TUSC3: variants seen among roughly 807,000 people sequenced by gnomAD.
The protein encoded by TUSC3 is tumor suppressor candidate 3.
TUSC3 carries 45 observed loss-of-function variants against 44.8 expected under a neutral mutation model. That is an observed-to-expected ratio of 1.00 (90% CI 0.79 to 1.29). The LOEUF is 1.29. Ranked by LOEUF, TUSC3 falls within the 50% of genes most tolerant of loss-of-function variation. The pLI, the probability that TUSC3 is intolerant of heterozygous loss-of-function variation, is 0.00. For synonymous variants in TUSC3, 212 were observed against 152.9 expected (o/e 1.39, Z -2.85); for missense variants, 519 against 437.9 (o/e 1.19, Z -1.65).
chr8:15,738,776 T>C (rs1811044179), intron 7 of TUSC3, among the ~76,000 whole-genome samples: 1 of 151,656 alleles, frequency 6.6e-6, no homozygotes, highest in Non-Finnish European at 1.5e-5. Flanking sequence ...TATACAAACA[T>C]ATACATCTTT....
In TUSC3 at chr8:15,717,289, C is replaced by T. The variant is rs142247525; in HGVS notation, c.799-13377C>T. The stretch of plus-strand genomic sequence containing the variant: ...GGTGAATTTTGGTTTATCAGTAAGA[C>T]GAAACATCATTTTTTGAGATGAATC... On this transcript the variant is annotated intron_variant, in intron 6 of 10. Coordinates refer to ENST00000503731, the MANE Select transcript of TUSC3 (RefSeq NM_006765.4). 1.1e-4 allele frequency among the ~76,000 whole-genome samples: 16 copies of T among 152,024 alleles called. No homozygotes were observed. The East Asian group carries it at 2.9e-3, about 28-fold the overall frequency.
intron 2 of TUSC3, among the ~76,000 whole-genome samples, chr8:15,638,692 A>G (rs1806211516): frequency 6.6e-6 from 1 of 151,596 alleles, no homozygotes; most frequent in African/African-American, 2.4e-5. Context: ...CGCCTGGCTA[A>G]TTTTTGTATT....
At chr8:15,461,706 C>T (rs1343771026) in intron 1 of TUSC3, among the ~76,000 whole-genome samples, 1 of 150,784 alleles carries the variant, frequency 6.6e-6, no homozygotes, top group Admixed American at 6.6e-5. Context: ...GAGTTACGTC[C>T]CTTGTGTGCC....
chr8:15,684,187 A>G (rs530079821), intron 6 of TUSC3, among the ~76,000 whole-genome samples: 1 of 151,128 alleles, frequency 6.6e-6, no homozygotes, highest in Non-Finnish European at 1.5e-5. Flanking sequence ...TGCCTTTCCA[A>G]TGTTTACCTT....
chr8:15,512,850 G>C lies in TUSC3; in HGVS notation n.189+29367G>C, dbSNP rs372890371. 7.7e-5 allele frequency among the ~76,000 whole-genome samples: 10 copies of C among 129,840 alleles called. No homozygotes were observed. The East Asian group carries it at 2.3e-3, about 30-fold the overall frequency. 85.2% of individuals were successfully genotyped at this position (129,840 alleles called of 152,430 possible). ...TGTGTGTGTGTATATATATTTGTGT[G>C]TGTGTGTATATATATGTGTGTGTAT... On this transcript the variant is annotated intron_variant and non_coding_transcript_variant, in intron 2 of 5. Coordinates refer to the TUSC3 transcript ENST00000503191.
At chr8:15,711,466 G>A (rs1186432145) in intron 6 of TUSC3, among the ~76,000 whole-genome samples, 2 of 69,124 alleles carry the variant, frequency 2.9e-5, no homozygotes, top group Non-Finnish European at 5.3e-5. Context: ...AAAGGTACGT[G>A]TGTGTGTGTG....
chr8:15,455,125 G>C (rs143866410), intron 1 of TUSC3, among the ~76,000 whole-genome samples: 1 of 152,266 alleles, frequency 6.6e-6, no homozygotes, highest in Non-Finnish European at 1.5e-5. Context: ...ATTAAAGTTT[G>C]CTTATCCCTA....
At chr8:15,822,880 T>C in the TUSC3 span, among the ~76,000 whole-genome samples, 4 of 152,244 alleles carry the variant, frequency 2.6e-5, no homozygotes, top group African/African-American at 9.6e-5. Context: ...TGTTGGAGAT[T>C]TGGGGGCAAA....
chr8:15,613,063 T>TGA (rs1346567502), intron 1 of TUSC3, among the ~76,000 whole-genome samples: 5 of 53,380 alleles, frequency 9.4e-5, no homozygotes, highest in Non-Finnish European at 2.5e-4. Flanking sequence ...ATTATATATA[T>TGA]GATATATATA....
intron 4 of TUSC3, among the ~76,000 whole-genome samples, chr8:15,660,751 G>A (rs1807385319): frequency 1.3e-5 from 2 of 151,518 alleles, no homozygotes; most frequent in South Asian, 2.1e-4. Flanking sequence ...CAAATATTTT[G>A]TTATGCAATG....
At chr8:15,577,352 A>G (rs1803157125) in intron 1 of TUSC3, among the ~76,000 whole-genome samples, 1 of 151,736 alleles carries the variant, frequency 6.6e-6, no homozygotes, top group Non-Finnish European at 1.5e-5. Flanking sequence ...TTTTGTTGCC[A>G]TTGCTTTTGG....
rs144253609 is a variant in TUSC3, at chr8:15,486,670, C to G, written n.189+3187C>G. 5.7e-3 allele frequency among the ~76,000 whole-genome samples: 873 copies of G among 152,188 alleles called. 7 individuals carry two copies. Among genetic ancestry groups the G allele is most frequent in the Middle Eastern group, 0.014 (4 of 294 alleles). ...ATCTTGGCCAGGCTGGTTTTGAGCT[C>G]CTGACCTCGTGATTCACCTGCCTCC... On this transcript the variant is annotated intron_variant and non_coding_transcript_variant, in intron 2 of 5. Coordinates refer to the TUSC3 transcript ENST00000503191.
At chr8:15,707,726 A>C (rs947921693) in intron 6 of TUSC3, among the ~76,000 whole-genome samples, 7 of 152,040 alleles carry the variant, frequency 4.6e-5, no homozygotes, top group Admixed American at 6.6e-5. Context: ...TGACATGTGC[A>C]TCCCTGGGTG....
At chr8:15,493,618 G>A (rs1800839652) in intron 2 of TUSC3, among the ~76,000 whole-genome samples, 1 of 152,094 alleles carries the variant, frequency 6.6e-6, no homozygotes, top group Non-Finnish European at 1.5e-5. Flanking sequence ...TTTGGTACTG[G>A]AACTATACTA....
At chr8:15,562,120 A>G (rs1802498075) in intron 1 of TUSC3, among the ~76,000 whole-genome samples, 2 of 152,178 alleles carry the variant, frequency 1.3e-5, no homozygotes, top group African/African-American at 2.4e-5. Context: ...GTCTAGCTTC[A>G]GAGATCTTGG....
the TUSC3 span, among the ~76,000 whole-genome samples, chr8:15,804,514 G>A: frequency 6.6e-6 from 1 of 152,140 alleles, no homozygotes; most frequent in Non-Finnish European, 1.5e-5. Context: ...TATGTGGTGA[G>A]AGGTTGCGGT....
chr8:15,595,879 A>C (rs1044410655), intron 1 of TUSC3, among the ~76,000 whole-genome samples: 2 of 152,206 alleles, frequency 1.3e-5, no homozygotes, highest in African/African-American at 4.8e-5. Flanking sequence ...TGTAAGATTT[A>C]AAGTGACAGT....
At chr8:15,843,310 C>T in the TUSC3 span, among the ~76,000 whole-genome samples, 10 of 152,016 alleles carry the variant, frequency 6.6e-5, 1 homozygote, top group South Asian at 6.2e-4. Flanking sequence ...GGGTCAGATA[C>T]GTTTGGAAAA....
chr8:15,764,080 T>G (rs755442299), intron 10 of TUSC3, 123 bp from the exon 11 acceptor site: 10 of 1,026,128 alleles, frequency 9.7e-6, no homozygotes, highest in Non-Finnish European at 1.4e-5. Context: ...TTACAATTAG[T>G]TGAATACAAT....
Sources: allele counts gnomAD v4.1 joint callset (sites outside exome capture counted in the v4.1 genomes callset), GRCh38; gene constraint gnomAD v4.1.1; transcripts MANE v1.5; gene names NCBI Gene and HGNC (gene_info 2026-07-23, HGNC 2026-07-21).